KIRREL3: variants seen among roughly 807,000 people sequenced by gnomAD.
KIRREL3 encodes the protein kin of IRRE-like protein 3.
A neutral mutation model predicts 89.7 loss-of-function variants in KIRREL3; 36 were observed. That is an observed-to-expected ratio of 0.40 (90% CI 0.31 to 0.53). The LOEUF (loss-of-function observed/expected upper bound fraction) is 0.53, where lower values mean the gene tolerates loss of function less well. KIRREL3 is among the 20% of genes least tolerant of loss of function. The pLI, the probability that KIRREL3 is intolerant of heterozygous loss-of-function variation, is 0.49. For missense variants in KIRREL3, 864 were observed against 1,056.6 expected, an observed-to-expected ratio of 0.82 and a Z score of 2.53; for synonymous variants, 445 against 441.4, an observed-to-expected ratio of 1.01 and a Z score of -0.10.
chr11:126,925,306 G>A (rs1334817579), intron 1 of KIRREL3, among the ~76,000 whole-genome samples: 2 of 152,206 alleles, frequency 1.3e-5, no homozygotes, highest in African/African-American at 4.8e-5. Context: ...ACACGCATGA[G>A]GCAGCCTGGT....
intron 1 of KIRREL3, among the ~76,000 whole-genome samples, chr11:126,960,379 A>T (rs1474643240): frequency 1.3e-5 from 2 of 152,172 alleles, no homozygotes; most frequent in African/African-American, 2.4e-5. Context: ...AGCCGAGGAC[A>T]CTGAACCAAA....
Position 126,427,369 on chromosome 11 carries a change from G to A in KIRREL3, c.1807-1645C>T, listed in dbSNP as rs1370572493. On this transcript the variant is annotated intron_variant, in intron 15 of 16. Transcript: ENST00000525144. The surrounding 1 kb of genome is among the most constrained non-coding windows in gnomAD (Gnocchi z 5.3). ...ACTGGGGAAGCTGACATGGAATTGG[G>A]GGAATGCACTATAAAGGAGGCACAT... 6.7e-6 allele frequency among the ~76,000 whole-genome samples: 1 copy of A among 149,964 alleles called. No individual in the cohort carries two copies. Among genetic ancestry groups the A allele is most frequent in the Non-Finnish European group, 1.5e-5 (1 of 67,560 alleles).
rs1411484967 is a variant in KIRREL3, at chr11:126,795,805, T to C, written c.55+204650A>G. Among the ~76,000 whole-genome samples the C allele has an allele frequency of 6.6e-6, 1 of 151,798 alleles. No individual in the cohort carries two copies. The highest frequency in any genetic ancestry group is 1.5e-5 in the Non-Finnish European group (1 of 67,998). On this transcript the variant is annotated intron_variant, in intron 1 of 16. Transcript: ENST00000525144. This position sits in a 1 kb window ranked among gnomAD's most constrained non-coding sequence, Gnocchi z 4.1. ...GAGCCACTTCAACCACCAGTTCTTC[T>C]TCCCCCTGTGCACCCCAAGAGCGTA... is the stretch of plus-strand genomic sequence containing the variant.
At chr11:126,753,304 T>C (rs1949395084) in intron 1 of KIRREL3, among the ~76,000 whole-genome samples, 1 of 152,062 alleles carries the variant, frequency 6.6e-6, no homozygotes, top group Non-Finnish European at 1.5e-5. Flanking sequence ...TGGCTTCCTC[T>C]CCAATCCACA....
rs1310885357 is a variant in KIRREL3 at position 126,615,756 on chromosome 11, A to G, written c.56-52844T>C. Among the ~76,000 whole-genome samples the G allele has an allele frequency of 6.6e-6, 1 of 152,232 alleles. No homozygotes were observed. The highest frequency in any genetic ancestry group is 1.5e-5 in the Non-Finnish European group (1 of 68,036). On this transcript the variant is annotated intron_variant, in intron 1 of 16. Transcript: ENST00000525144. This position sits in a 1 kb window ranked among gnomAD's most constrained non-coding sequence, Gnocchi z 5.4. ...CTCCAGTGAGGTGTTGGCCCGGTCC[A>G]GAGGCAGAGCCTTACTACCTTTGGC... is the stretch of plus-strand genomic sequence containing the variant.
rs189790789 is a variant in KIRREL3 at position 126,981,908 on chromosome 11, T to G, written c.55+18547A>C. Among the ~76,000 whole-genome samples, 33 of 152,342 alleles carry G rather than the reference T, an allele frequency of 2.2e-4. No homozygotes were observed. Among genetic ancestry groups the G allele is most frequent in the Non-Finnish European group, 4.6e-4 (31 of 68,026 alleles). On this transcript the variant is annotated intron_variant, in intron 1 of 16. Coordinates refer to ENST00000525144, the MANE Select transcript of KIRREL3 (RefSeq NM_032531.4). The surrounding 1 kb of genome is among the most constrained non-coding windows in gnomAD (Gnocchi z 4.2). ...ACAGCCTTTAAACACCTCATTAATA[T>G]TCAAATCTATTCAAGTCATTTCAAT...
chr11:126,911,709 C>A (rs1404187097), intron 1 of KIRREL3, among the ~76,000 whole-genome samples: 1 of 152,134 alleles, frequency 6.6e-6, no homozygotes, highest in Non-Finnish European at 1.5e-5. Context: ...GGCATCCGGG[C>A]ACGGTGGCTC....
intron 4 of KIRREL3, among the ~76,000 whole-genome samples, chr11:126,517,714 C>T (rs1306192225): frequency 2.0e-5 from 3 of 152,236 alleles, no homozygotes; most frequent in African/African-American, 7.2e-5. Flanking sequence ...GTTGGTACAG[C>T]ATGTTGGACT....
Position 126,486,054 on chromosome 11 carries a change from G to A in KIRREL3, c.434-12588C>T, listed in dbSNP as rs889705202. Among the ~76,000 whole-genome samples the A allele has an allele frequency of 6.6e-6, 1 of 152,204 alleles. No individual in the cohort carries two copies. Among genetic ancestry groups the A allele is most frequent in the Non-Finnish European group, 1.5e-5 (1 of 68,038 alleles). ...CTGAAAGAGGGTCTGAGCATCTCAG[G>A]GCAGAGCTACTTGTGAGGAGACAGA... On this transcript the variant is annotated intron_variant, in intron 4 of 16. Coordinates refer to ENST00000525144, the MANE Select transcript of KIRREL3 (RefSeq NM_032531.4). This position sits in a 1 kb window ranked among gnomAD's most constrained non-coding sequence, Gnocchi z 6.2.
At chr11:126,789,385 C>A (rs757173561) in intron 1 of KIRREL3, among the ~76,000 whole-genome samples, 28 of 152,242 alleles carry the variant, frequency 1.8e-4, no homozygotes, top group African/African-American at 5.8e-4. Context: ...AGAAAGTGAG[C>A]AAACCCATAT....
chr11:126,696,757 C>T lies in KIRREL3; in HGVS notation c.56-133845G>A, dbSNP rs1591978053. On this transcript the variant is annotated intron_variant, in intron 1 of 16. Transcript: ENST00000525144. The surrounding 1 kb of genome is among the most constrained non-coding windows in gnomAD (Gnocchi z 4.4). ...TTCCTGCAGGCACCGCCAGTGGACA[C>T]ACCGAACACCCCTCTTGTCCAAACA... is the stretch of plus-strand genomic sequence containing the variant. Among the ~76,000 whole-genome samples the T allele has an allele frequency of 6.6e-6, 1 of 152,302 alleles. No homozygotes were observed.
In KIRREL3 at chr11:126,607,686, C is replaced by T. The variant is rs936878253; in HGVS notation, c.56-44774G>A. Among the ~76,000 whole-genome samples the T allele has an allele frequency of 2.0e-5, 3 of 152,168 alleles. No homozygotes were observed. The highest frequency in any genetic ancestry group is 7.2e-5 in the African/African-American group (3 of 41,426). On this transcript the variant is annotated intron_variant, in intron 1 of 16. Coordinates refer to ENST00000525144, the MANE Select transcript of KIRREL3 (RefSeq NM_032531.4). The surrounding 1 kb of genome is among the most constrained non-coding windows in gnomAD (Gnocchi z 6.6). ...AGGACAAAACAAAGCTTCCCTACTG[C>T]AAGAGCTTTATCTGGGTCCCTGCTG...
At position 126,704,720 on chromosome 11, in the gene KIRREL3, G is replaced by A. The variant is rs922475957; in HGVS notation, c.56-141808C>T. Among the ~76,000 whole-genome samples, 3 of 152,244 alleles carry A rather than the reference G, an allele frequency of 2.0e-5. No homozygotes were observed. Among genetic ancestry groups the A allele is most frequent in the African/African-American group, 4.8e-5 (2 of 41,468 alleles). On this transcript the variant is annotated intron_variant, in intron 1 of 16. Transcript: ENST00000525144. The surrounding 1 kb of genome is among the most constrained non-coding windows in gnomAD (Gnocchi z 4.2). Reference sequence around the variant, plus strand: ...CACGCTTCCAGGATGGCTCCTGGCTGTCTGCGTTAGCAGGTCACTTTTGGG... The same window carrying A: ...CACGCTTCCAGGATGGCTCCTGGCTATCTGCGTTAGCAGGTCACTTTTGGG...
intron 1 of KIRREL3, among the ~76,000 whole-genome samples, chr11:126,958,349 G>A (rs1340211683): frequency 6.6e-6 from 1 of 152,228 alleles, no homozygotes; most frequent in African/African-American, 2.4e-5. Flanking sequence ...TTGGCCAAGT[G>A]TCTATAAGAG....
At chr11:126,629,435 A>C (rs531009) in intron 1 of KIRREL3, among the ~76,000 whole-genome samples, 141,124 of 152,214 alleles carry the variant, frequency 0.93, 65,566 homozygotes, top group East Asian at 1. Context: ...GGGGTGTTTT[A>C]TGGGGCCTCT....
rs1209871123 is a variant in KIRREL3 at position 126,476,605 on chromosome 11, T to G, written c.434-3139A>C. ...AAGTGGTTATCATGCTGGGTATTCATGTAGCCAGGCATTATTGATTGGTCT... is the reference window on the plus strand; with the variant it reads ...AAGTGGTTATCATGCTGGGTATTCAGGTAGCCAGGCATTATTGATTGGTCT... On this transcript the variant is annotated intron_variant, in intron 4 of 16. Coordinates refer to ENST00000525144, the MANE Select transcript of KIRREL3 (RefSeq NM_032531.4). This position sits in a 1 kb window ranked among gnomAD's most constrained non-coding sequence, Gnocchi z 6.4. Among the ~76,000 whole-genome samples, 1 of 146,090 alleles carries G rather than the reference T, an allele frequency of 6.8e-6. No individual in the cohort carries two copies. Among genetic ancestry groups the G allele is most frequent in the Non-Finnish European group, 1.5e-5 (1 of 67,420 alleles).
intron 1 of KIRREL3, among the ~76,000 whole-genome samples, chr11:126,759,366 GATCT>G (rs1345801795): frequency 6.6e-6 from 1 of 152,204 alleles, no homozygotes; most frequent in East Asian, 1.9e-4. Flanking sequence ...CTGACCTTGT[GATCT>G]GCCTGCCTTA....
intron 1 of KIRREL3, among the ~76,000 whole-genome samples, chr11:126,829,468 C>A (rs1943530508): frequency 6.6e-6 from 1 of 151,422 alleles, no homozygotes; most frequent in East Asian, 2.0e-4. Flanking sequence ...AAGAATCCAG[C>A]TCAGAGGTAG....
At chr11:126,457,412 T>C (rs569614107) in intron 6 of KIRREL3, among the ~76,000 whole-genome samples, 10 of 151,902 alleles carry the variant, frequency 6.6e-5, no homozygotes, top group African/African-American at 2.2e-4. Context: ...TGTATGCACG[T>C]GTGTATGTGT....
Sources: gnomAD v4.1 joint callset for allele counts (sites outside exome capture counted in the v4.1 genomes callset) on GRCh38, gnomAD v4.1.1 for gene constraint, Gnocchi (gnomAD v3.1) non-coding constraint, MANE v1.5 for transcripts, NCBI Gene and HGNC (gene_info 2026-07-23, HGNC 2026-07-21) for gene names.